C12orf42: variants seen among roughly 807,000 people sequenced by gnomAD.
C12orf42 encodes chromosome 12 open reading frame 42.
In C12orf42, 25 loss-of-function variants were observed where a neutral mutation model predicts 21.6. The observed-to-expected ratio is 1.16, with a 90% CI of 0.84 to 1.62. C12orf42 has a LOEUF of 1.62. C12orf42 is among the 40% of genes most tolerant of loss of function. The pLI, the probability that C12orf42 is intolerant of heterozygous loss-of-function variation, is 0.00. For missense variants in C12orf42, 483 were observed against 459.3 expected (o/e 1.05, Z -0.47); for synonymous variants, 174 against 175.0 (o/e 0.99, Z 0.05).
At chr12:103,412,882 T>C (rs1441894453) in intron 2 of C12orf42, among the ~76,000 whole-genome samples, 1 of 152,246 alleles carries the variant, frequency 6.6e-6, no homozygotes, top group Non-Finnish European at 1.5e-5. Context: ...ATGCATAGTT[T>C]GCAAATATCT....
At chr12:103,393,489 G>C (rs1461335879) in intron 3 of C12orf42, among the ~76,000 whole-genome samples, 3 of 152,090 alleles carry the variant, frequency 2.0e-5, no homozygotes, top group Non-Finnish European at 1.5e-5. Context: ...CATGAGATTT[G>C]GAGGAGACAT....
chr12:103,092,046 T>TTTTG, the C12orf42 span, among the ~76,000 whole-genome samples: 1 of 152,086 alleles, frequency 6.6e-6, no homozygotes, highest in African/African-American at 2.4e-5. Flanking sequence ...AAAAGCAGAT[T>TTTTG]TTTGTTTGTT....
the C12orf42 span, among the ~76,000 whole-genome samples, chr12:103,109,595 TATATA>T: frequency 5.4e-5 from 8 of 148,702 alleles, no homozygotes; most frequent in African/African-American, 9.8e-5. Context: ...TAATATAATT[TATATA>T]ATATAATTAA....
chr12:103,370,334 TA>T (rs2045079548), intron 3 of C12orf42, among the ~76,000 whole-genome samples: 1 of 152,070 alleles, frequency 6.6e-6, no homozygotes, highest in African/African-American at 2.4e-5. Context: ...TCAAAGAACT[TA>T]AAATAGAATT....
At chr12:103,112,095 T>C in the C12orf42 span, among the ~76,000 whole-genome samples, 1 of 152,140 alleles carries the variant, frequency 6.6e-6, no homozygotes, top group Non-Finnish European at 1.5e-5. Flanking sequence ...TTAAATTTCA[T>C]TAACAATAAA....
chr12:103,379,718 C>T (rs1167384231), intron 3 of C12orf42, among the ~76,000 whole-genome samples: 1 of 152,188 alleles, frequency 6.6e-6, no homozygotes, highest in Non-Finnish European at 1.5e-5. Context: ...CCTTCCATCC[C>T]AGGCTTCGCA....
chr12:103,146,339 G>T, the C12orf42 span, among the ~76,000 whole-genome samples: 1 of 151,426 alleles, frequency 6.6e-6, no homozygotes, highest in Non-Finnish European at 1.5e-5. Flanking sequence ...AATGAGCTGG[G>T]TGTGGTGATG....
At chr12:103,090,844 A>C in the C12orf42 span, among the ~76,000 whole-genome samples, 2 of 152,178 alleles carry the variant, frequency 1.3e-5, no homozygotes, top group Non-Finnish European at 2.9e-5. Flanking sequence ...ATTTTAGAAG[A>C]CTTATTTTAT....
At chr12:103,352,142 G>T (rs1307393586) in intron 4 of C12orf42, among the ~76,000 whole-genome samples, 1 of 152,036 alleles carries the variant, frequency 6.6e-6, no homozygotes, top group South Asian at 2.1e-4. Context: ...AATTTTTCCT[G>T]TTCCTCTGTT....
chr12:103,259,306 T>A (rs965554871), intron 10 of C12orf42, among the ~76,000 whole-genome samples: 3 of 152,190 alleles, frequency 2.0e-5, no homozygotes, highest in Non-Finnish European at 4.4e-5. Context: ...GAGACAGAGT[T>A]TCATTCTTGT....
At chr12:103,539,826 G>A in the C12orf42 span, among the ~76,000 whole-genome samples, 2 of 151,974 alleles carry the variant, frequency 1.3e-5, no homozygotes, top group African/African-American at 2.4e-5. Flanking sequence ...TGATTCGCCC[G>A]CCTTGGCTTC....
In C12orf42 at chr12:103,279,597, C is replaced by A. The variant is rs139774170; in HGVS notation, n.338-2387G>T. Among the ~76,000 whole-genome samples the A allele has an allele frequency of 2.2e-3, 329 of 152,270 alleles. 1 individual carries two copies. Among genetic ancestry groups the A allele is most frequent in the African/African-American group, 7.5e-3 (311 of 41,556 alleles). The stretch of plus-strand genomic sequence containing the variant: ...CTAGTTCACTGTTCCTGTCAGAAAT[C>A]ACTGATAGAGAAAAACCAGTGTCAT... On this transcript the variant is annotated intron_variant and non_coding_transcript_variant, in intron 4 of 6. Coordinates refer to the C12orf42 transcript ENST00000546526.
intron 2 of C12orf42, among the ~76,000 whole-genome samples, chr12:103,409,246 A>G (rs932695554): frequency 6.6e-6 from 1 of 152,168 alleles, no homozygotes; most frequent in Non-Finnish European, 1.5e-5. Context: ...GGGAAATTCA[A>G]TTGTATTTAA....
chr12:103,423,838 G>A (rs920248738), intron 2 of C12orf42, among the ~76,000 whole-genome samples: 18 of 152,264 alleles, frequency 1.2e-4, no homozygotes, highest in African/African-American at 2.4e-4. Context: ...CAAAGCTCTC[G>A]GCATCCCCTG....
intron 10 of C12orf42, among the ~76,000 whole-genome samples, chr12:103,251,414 C>T (rs1193524118): frequency 6.6e-6 from 1 of 152,138 alleles, no homozygotes; most frequent in Non-Finnish European, 1.5e-5. Flanking sequence ...GGGGAAATTC[C>T]AATTTCTATA....
intron 4 of C12orf42, among the ~76,000 whole-genome samples, chr12:103,280,297 CAGA>C (rs2036026260): frequency 1.3e-5 from 2 of 152,070 alleles, no homozygotes. Flanking sequence ...GCAACAACAA[CAGA>C]AAAGAGATAT....
intron 2 of C12orf42, among the ~76,000 whole-genome samples, chr12:103,449,165 G>A (rs1304770144): frequency 6.6e-6 from 1 of 151,602 alleles, no homozygotes; most frequent in Non-Finnish European, 1.5e-5. Flanking sequence ...ACCATAAAAA[G>A]GAAAAAAATA....
chr12:103,195,641 GT>G, the C12orf42 span, among the ~76,000 whole-genome samples: 3 of 151,940 alleles, frequency 2.0e-5, no homozygotes, highest in African/African-American at 7.2e-5. Context: ...TAATGGGGTT[GT>G]TTTTTGCTCA....
At chr12:103,273,020 T>C (rs2035559285) in intron 5 of C12orf42, among the ~76,000 whole-genome samples, 1 of 152,228 alleles carries the variant, frequency 6.6e-6, no homozygotes, top group Non-Finnish European at 1.5e-5. Flanking sequence ...TTATGCTACC[T>C]GTGTGTTCCC....
Sources: allele counts gnomAD v4.1 joint callset (sites outside exome capture counted in the v4.1 genomes callset), GRCh38; gene constraint gnomAD v4.1.1; transcripts MANE v1.5; gene names NCBI Gene and HGNC (gene_info 2026-07-23, HGNC 2026-07-21).